CFAP20DC: variants seen among roughly 807,000 people sequenced by gnomAD.
The protein encoded by CFAP20DC is protein CFAP20DC.
Under a neutral mutation model 101.7 loss-of-function variants are expected in CFAP20DC, and 84 were observed. The observed-to-expected ratio is 0.83, with a 90% CI of 0.69 to 0.99. The LOEUF (loss-of-function observed/expected upper bound fraction) is 0.99. CFAP20DC is among the 50% of genes least tolerant of loss of function. The pLI is 0.00. For missense variants in CFAP20DC, 1,007 were observed against 970.3 expected (o/e 1.04, Z -0.50); for synonymous variants, 359 against 351.2 (o/e 1.02, Z -0.25).
chr3:59,016,038 T>C (rs2093681818), intron 4 of CFAP20DC, among the ~76,000 whole-genome samples: 1 of 152,074 alleles, frequency 6.6e-6, no homozygotes, highest in South Asian at 2.1e-4. Flanking sequence ...ACCTGAGTGG[T>C]TCTTAAACTT....
At chr3:58,752,726 A>C (rs777689044) in intron 16 of CFAP20DC, among the ~76,000 whole-genome samples, 9 of 152,122 alleles carry the variant, frequency 5.9e-5, no homozygotes, top group Non-Finnish European at 1.3e-4. Context: ...TCACAGAGAC[A>C]TCTCCATCCC....
At chr3:58,904,827 T>A (rs1222776141) in intron 6 of CFAP20DC, among the ~76,000 whole-genome samples, 1 of 152,182 alleles carries the variant, frequency 6.6e-6, no homozygotes, top group Non-Finnish European at 1.5e-5. Context: ...TAAGGCTAGA[T>A]GTCAGTGTTT....
At position 58,717,592 on chromosome 3, in the gene CFAP20DC, A is replaced by G. The variant is rs2067414532; in HGVS notation, c.236T>C (p.Leu79Pro). ...TTTAGAGTGTGAGTTTTGCCTTCACAGTTGCAAAATGGCTGTAGCACTTCC... is the reference window on the plus strand; with the variant it reads ...TTTAGAGTGTGAGTTTTGCCTTCACGGTTGCAAAATGGCTGTAGCACTTCC... Residue 79 changes from leucine (L) to proline (P), a missense_variant, in exon 4 of 4, where the codon CTG becomes CCG. Physicochemically the swap from Leu to Pro is moderately conservative, Grantham distance 98 (BLOSUM62 -3). Transcript: ENST00000486145. The surrounding 1 kb of genome is among the most constrained non-coding windows in gnomAD (Gnocchi z 4.1). The G allele has an allele frequency of 2.2e-6, 1 of 453,902 alleles. No individual in the cohort carries two copies. The highest frequency in any genetic ancestry group is 2.4e-5 in the Admixed American group (1 of 42,314). 28.1% of individuals were successfully genotyped at this position (453,902 alleles called of 1,614,324 possible). A position where few individuals can be genotyped will look rare whatever the true frequency, so the allele number is the denominator to read the frequency against.
intron 15 of CFAP20DC, among the ~76,000 whole-genome samples, chr3:58,774,096 AG>A (rs1358771252): frequency 6.6e-6 from 1 of 151,910 alleles, no homozygotes; most frequent in Non-Finnish European, 1.5e-5. Flanking sequence ...GAATCATTTC[AG>A]GGGTGAAAAT....
At chr3:58,966,797 T>A (rs896918548) in intron 4 of CFAP20DC, among the ~76,000 whole-genome samples, 1 of 152,094 alleles carries the variant, frequency 6.6e-6, no homozygotes, top group Non-Finnish European at 1.5e-5. Context: ...GATGCTGCGA[T>A]TACAGGCGTG....
intron 4 of CFAP20DC, among the ~76,000 whole-genome samples, chr3:58,955,086 G>A (rs756709278): frequency 1.3e-5 from 2 of 151,676 alleles, no homozygotes; most frequent in East Asian, 3.9e-4. Context: ...TATATTTAAG[G>A]ACTTATGCAA....
chr3:58,975,983 G>A (rs1385549481), intron 4 of CFAP20DC, among the ~76,000 whole-genome samples: 1 of 152,168 alleles, frequency 6.6e-6, no homozygotes, highest in Non-Finnish European at 1.5e-5. Context: ...CTTATCTCCT[G>A]TGAAAGAGGA....
Position 58,861,537 on chromosome 3 carries a change from CA to C in CFAP20DC, c.1593+2020del. The C allele has an allele frequency of 1.0e-6, 1 of 979,444 alleles. No homozygotes were observed. The highest frequency in any genetic ancestry group is 1.2e-6 in the Non-Finnish European group (1 of 824,584). 60.7% of individuals were successfully genotyped at this position (979,444 alleles called of 1,614,324 possible). On this transcript the variant is annotated intron_variant, in intron 12 of 16. Transcript: ENST00000482387. This position sits in a 1 kb window ranked among gnomAD's most constrained non-coding sequence, Gnocchi z 4.0. The stretch of plus-strand genomic sequence containing the variant: ...ACAGGAAAAGAAATTACCAAAAGTA[CA>C]AAAGAAAAAATCCAATTTTGTTAAG...
At chr3:58,832,495 G>A (rs2076466766) in intron 13 of CFAP20DC, among the ~76,000 whole-genome samples, 1 of 151,956 alleles carries the variant, frequency 6.6e-6, no homozygotes, top group Admixed American at 6.6e-5. Flanking sequence ...ATTTAAAAAA[G>A]CACAGCTTAT....
In CFAP20DC at chr3:59,007,414, G is replaced by A. The variant is rs2093462827; in HGVS notation, c.278+32143C>T. Among the ~76,000 whole-genome samples, 1 of 152,192 alleles carries A rather than the reference G, an allele frequency of 6.6e-6. No individual in the cohort carries two copies. The highest frequency in any genetic ancestry group is 2.4e-5 in the African/African-American group (1 of 41,426). ...CGCTCTCTGGAAAGCACCACCTCCT[G>A]GCTGGAGGCCAACCAACTCAAGCCA... On this transcript the variant is annotated intron_variant, in intron 4 of 16. Coordinates refer to ENST00000482387, the MANE Select transcript of CFAP20DC (RefSeq NM_001394063.1). The surrounding 1 kb of genome is among the most constrained non-coding windows in gnomAD (Gnocchi z 4.4).
At chr3:58,939,333 C>CT (rs2088171294) in intron 4 of CFAP20DC, among the ~76,000 whole-genome samples, 1 of 152,080 alleles carries the variant, frequency 6.6e-6, no homozygotes, top group South Asian at 2.1e-4. Flanking sequence ...GGAAAGACTA[C>CT]TGGGATTCTA....
At position 58,971,403 on chromosome 3, in the gene CFAP20DC, T is replaced by C. The variant is rs2091939998; in HGVS notation, c.279-33641A>G. Reference sequence around the variant, plus strand: ...AACAAGAGGAAAATCTGTCAAATGTTTTAAAATATCTCCGACATTCACTCT... The same window carrying C: ...AACAAGAGGAAAATCTGTCAAATGTCTTAAAATATCTCCGACATTCACTCT... On this transcript the variant is annotated intron_variant, in intron 4 of 16. Transcript: ENST00000482387. This position sits in a 1 kb window ranked among gnomAD's most constrained non-coding sequence, Gnocchi z 4.1. Among the ~76,000 whole-genome samples, 1 of 152,196 alleles carries C rather than the reference T, an allele frequency of 6.6e-6. No homozygotes were observed. The highest frequency in any genetic ancestry group is 2.4e-5 in the African/African-American group (1 of 41,464).
chr3:59,036,603 C>T lies in CFAP20DC; in HGVS notation c.278+2954G>A, dbSNP rs183729568. Among the ~76,000 whole-genome samples the T allele has an allele frequency of 2.4e-4, 36 of 152,230 alleles. No homozygotes were observed. In the East Asian group the frequency reaches 6.2e-3, roughly 26 times the overall value. On this transcript the variant is annotated intron_variant, in intron 4 of 16. Coordinates refer to ENST00000482387, the MANE Select transcript of CFAP20DC (RefSeq NM_001394063.1). ...AACTTACAAGGGATGTGAAGGACCT[C>T]TTCAAGGAGAACTATAAACCACTGC... is the stretch of plus-strand genomic sequence containing the variant.
At chr3:59,016,812 T>C (rs995376108) in intron 4 of CFAP20DC, among the ~76,000 whole-genome samples, 10 of 152,130 alleles carry the variant, frequency 6.6e-5, no homozygotes, top group African/African-American at 2.4e-4. Context: ...ATGCAGGAAC[T>C]ACACTTTAAG....
At chr3:58,831,082 A>T (rs2076362451) in intron 14 of CFAP20DC, among the ~76,000 whole-genome samples, 1 of 152,188 alleles carries the variant, frequency 6.6e-6, no homozygotes, top group South Asian at 2.1e-4. Flanking sequence ...GAAAAACAGG[A>T]AGACTAAGAC....
At chr3:58,822,021 C>T (rs1024572312) in intron 14 of CFAP20DC, among the ~76,000 whole-genome samples, 4 of 144,112 alleles carry the variant, frequency 2.8e-5, no homozygotes, top group Non-Finnish European at 6.0e-5. Flanking sequence ...TGGAAATCAT[C>T]ATTCTCAGTA....
At chr3:59,037,818 C>T (rs1467092076) in intron 4 of CFAP20DC, among the ~76,000 whole-genome samples, 1 of 152,166 alleles carries the variant, frequency 6.6e-6, no homozygotes, top group Non-Finnish European at 1.5e-5. Flanking sequence ...TATAAAGACA[C>T]ATGCACACGT....
intron 15 of CFAP20DC, among the ~76,000 whole-genome samples, chr3:58,792,525 C>T (rs1031468548): frequency 6.6e-6 from 1 of 152,018 alleles, no homozygotes; most frequent in African/African-American, 2.4e-5. Flanking sequence ...AAATTAACTA[C>T]AAGTGTGCTA....
chr3:58,831,119 A>C (rs1421287164), intron 14 of CFAP20DC, among the ~76,000 whole-genome samples: 1 of 152,202 alleles, frequency 6.6e-6, no homozygotes, highest in African/African-American at 2.4e-5. Context: ...GCTGGGCCAT[A>C]GTGAGGGCAA....
Sources: gnomAD v4.1 joint callset for allele counts (sites outside exome capture counted in the v4.1 genomes callset) on GRCh38, gnomAD v4.1.1 for gene constraint, Gnocchi (gnomAD v3.1) non-coding constraint, MANE v1.5 for transcripts, NCBI Gene and HGNC (gene_info 2026-07-23, HGNC 2026-07-21) for gene names.